The following MDGA2 variants were observed in gnomAD, a reference collection of about 807,000 sequenced individuals.
MDGA2 encodes MAM domain-containing glycosylphosphatidylinositol anchor protein 2.
MDGA2 carries 40 observed loss-of-function variants against 117.8 expected under a neutral mutation model. The observed-to-expected ratio is 0.34, with a 90% CI of 0.26 to 0.44. MDGA2 has a LOEUF of 0.44. Ranked by LOEUF, MDGA2 falls within the 20% of genes least tolerant of loss-of-function variation. The pLI, the probability that MDGA2 is intolerant of heterozygous loss-of-function variation, is 1.00. For synonymous variants in MDGA2, 452 were observed against 439.0 expected (o/e 1.03, Z -0.37); for missense variants, 1,123 against 1,250.6 (o/e 0.90, Z 1.54).
At chr14:47,339,489 C>T (rs2139940240) in intron 1 of MDGA2, among the ~76,000 whole-genome samples, 1 of 152,012 alleles carries the variant, frequency 6.6e-6, no homozygotes, top group Non-Finnish European at 1.5e-5. Flanking sequence ...GGGCAGATTC[C>T]CTCATGAATG....
At chr14:46,919,476 C>A (rs1884039677) in intron 10 of MDGA2, among the ~76,000 whole-genome samples, 1 of 152,150 alleles carries the variant, frequency 6.6e-6, no homozygotes, top group African/African-American at 2.4e-5. Flanking sequence ...TTCCACATAA[C>A]CCTTGATCTT....
At chr14:47,342,274 AT>A (rs1336461068) in intron 1 of MDGA2, among the ~76,000 whole-genome samples, 44 of 142,258 alleles carry the variant, frequency 3.1e-4, no homozygotes, top group African/African-American at 5.7e-4. Context: ...ATATATATAT[AT>A]ATATATAAAA....
At chr14:47,422,106 G>A (rs941461929) in intron 1 of MDGA2, among the ~76,000 whole-genome samples, 1 of 151,990 alleles carries the variant, frequency 6.6e-6, no homozygotes. Context: ...TTCCAGGCCA[G>A]CATTTTCTGA....
At chr14:47,115,709 GA>G (rs1881291463) in intron 5 of MDGA2, among the ~76,000 whole-genome samples, 1 of 151,960 alleles carries the variant, frequency 6.6e-6, no homozygotes, top group Non-Finnish European at 1.5e-5. Flanking sequence ...CATAGATGTA[GA>G]AAAAGCATTA....
intron 1 of MDGA2, among the ~76,000 whole-genome samples, chr14:47,600,122 G>A (rs1021091736): frequency 5.3e-5 from 8 of 152,110 alleles, no homozygotes; most frequent in South Asian, 4.2e-4. Context: ...TGGGCCAGGC[G>A]CGGTGGCTCA....
intron 1 of MDGA2, among the ~76,000 whole-genome samples, chr14:47,318,315 T>C (rs1248017625): frequency 6.6e-6 from 1 of 152,190 alleles, no homozygotes; most frequent in Non-Finnish European, 1.5e-5. Flanking sequence ...TTTCTCTCTC[T>C]TTCCGGTCTT....
In MDGA2 at chr14:46,841,763, T is replaced by C; in HGVS notation, c.*168A>G. On this transcript the variant is annotated 3_prime_UTR_variant, in exon 17 of 17. Coordinates refer to ENST00000399232, the MANE Select transcript of MDGA2 (RefSeq NM_001113498.3). Reference sequence around the variant, plus strand: ...TCTGGAATAAGTTATACTTCCATGATGTCTTTTTATCCCCAGTGCTTAAAA... The same window carrying C: ...TCTGGAATAAGTTATACTTCCATGACGTCTTTTTATCCCCAGTGCTTAAAA... The C allele has an allele frequency of 2.1e-6, 1 of 483,394 alleles. No individual in the cohort carries two copies. The highest frequency in any genetic ancestry group is 4.1e-5 in the South Asian group (1 of 24,372). 29.9% of individuals were successfully genotyped at this position (483,394 alleles called of 1,614,324 possible).
At chr14:47,575,401 T>C (rs1896097694) in intron 1 of MDGA2, among the ~76,000 whole-genome samples, 2 of 152,202 alleles carry the variant, frequency 1.3e-5, no homozygotes, top group African/African-American at 4.8e-5. Flanking sequence ...ACATTAATTC[T>C]ATCAAAAGCA....
chr14:47,563,780 A>G (rs1455791766), intron 1 of MDGA2, among the ~76,000 whole-genome samples: 1 of 151,764 alleles, frequency 6.6e-6, no homozygotes, highest in Non-Finnish European at 1.5e-5. Context: ...CGATATATAC[A>G]GATTTGTTCC....
intron 8 of MDGA2, among the ~76,000 whole-genome samples, chr14:46,988,958 T>G (rs1012457772): frequency 8.5e-5 from 13 of 152,070 alleles, no homozygotes; most frequent in African/African-American, 2.9e-4. Context: ...TAGAGTAAAC[T>G]CCATCCTTCA....
intron 1 of MDGA2, among the ~76,000 whole-genome samples, chr14:47,593,520 C>T (rs1478932009): frequency 6.6e-6 from 1 of 152,132 alleles, no homozygotes; most frequent in Non-Finnish European, 1.5e-5. Context: ...AAATGTGGTA[C>T]ATAGACACCA....
rs113362933 is a variant in MDGA2 at position 47,354,179 on chromosome 14, G to A, written c.281-52629C>T. 6.0e-3 allele frequency among the ~76,000 whole-genome samples: 918 copies of A among 152,216 alleles called. 3 individuals carry two copies. The highest frequency in any genetic ancestry group is 0.016 in the African/African-American group (651 of 41,550). ...CTCACAGGCCATTTATGAAAAGCCC[G>A]CAGCTAACATCATAATCAATAGTGA... On this transcript the variant is annotated intron_variant, in intron 1 of 16. Transcript: ENST00000399232.
intron 2 of MDGA2, among the ~76,000 whole-genome samples, chr14:47,234,687 C>T (rs1358064044): frequency 6.6e-6 from 1 of 152,052 alleles, no homozygotes; most frequent in Non-Finnish European, 1.5e-5. Context: ...GGATTTTTGC[C>T]TCACCTAATA....
At chr14:47,326,116 T>C (rs560544461) in intron 1 of MDGA2, among the ~76,000 whole-genome samples, 19 of 152,228 alleles carry the variant, frequency 1.2e-4, no homozygotes, top group African/African-American at 4.1e-4. Flanking sequence ...AGATCTGAAC[T>C]TCCTACTAAA....
chr14:47,439,712 T>G (rs554270701), intron 1 of MDGA2, among the ~76,000 whole-genome samples: 2 of 152,146 alleles, frequency 1.3e-5, no homozygotes, highest in Admixed American at 6.5e-5. Flanking sequence ...TGTGTGTGTC[T>G]ATGTCTGTAT....
chr14:47,242,667 G>A (rs948786013), intron 2 of MDGA2, among the ~76,000 whole-genome samples: 22 of 151,802 alleles, frequency 1.4e-4, no homozygotes, highest in Non-Finnish European at 2.4e-4. Flanking sequence ...GCTGGGCCTT[G>A]GCTGCCTTCC....
At chr14:47,216,923 A>C (rs1426851808) in intron 3 of MDGA2, among the ~76,000 whole-genome samples, 1 of 151,980 alleles carries the variant, frequency 6.6e-6, no homozygotes, top group East Asian at 1.9e-4. Context: ...GATGAGGGGC[A>C]GGGGGCCTCA....
At chr14:47,486,344 T>C (rs1875081269) in intron 1 of MDGA2, among the ~76,000 whole-genome samples, 1 of 152,174 alleles carries the variant, frequency 6.6e-6, no homozygotes, top group South Asian at 2.1e-4. Flanking sequence ...GGCATCACTG[T>C]ATTTACCCAA....
chr14:47,279,226 T>C (rs1456261753), intron 2 of MDGA2, among the ~76,000 whole-genome samples: 2 of 152,176 alleles, frequency 1.3e-5, no homozygotes, highest in Non-Finnish European at 2.9e-5. Context: ...TTTGAGGGTA[T>C]GCATACTGAT....
Sources: gnomAD v4.1 joint callset for allele counts (sites outside exome capture counted in the v4.1 genomes callset) on GRCh38, gnomAD v4.1.1 for gene constraint, MANE v1.5 for transcripts, NCBI Gene and HGNC (gene_info 2026-07-23, HGNC 2026-07-21) for gene names.